Variants in SIGLEC12 observed in about 807,000 individuals in gnomAD.
SIGLEC12 encodes sialic acid-binding Ig-like lectin 12.
A neutral mutation model predicts 54.1 loss-of-function variants in SIGLEC12; 43 were observed. The observed-to-expected ratio is 0.80, with a 90% CI of 0.62 to 1.03. The LOEUF is 1.03. SIGLEC12 is among the 50% of genes least tolerant of loss of function. The pLI, the probability that SIGLEC12 is intolerant of heterozygous loss-of-function variation, is 0.00. For synonymous variants in SIGLEC12, 357 were observed against 307.6 expected (o/e 1.16, Z -1.68); for missense variants, 802 against 735.2 (o/e 1.09, Z -1.05).
intron 1 of SIGLEC12, 192 bp from the exon 2 acceptor site, chr19:51,500,492 G>T: frequency 1.1e-6 from 1 of 950,818 alleles, no homozygotes; most frequent in Non-Finnish European, 1.6e-6. Flanking sequence ...AGCCCTGCAT[G>T]GAAGAGAAAC....
intron 4 of SIGLEC12, 28 bp from the exon 5 acceptor site, chr19:51,498,315 G>A: frequency 4.5e-6 from 7 of 1,565,602 alleles, no homozygotes; most frequent in Non-Finnish European, 6.1e-6. Flanking sequence ...GAAGGGCAGA[G>A]AGAGACAAAG....
In SIGLEC12 at chr19:51,491,604, C is replaced by G. The variant is rs768922483; in HGVS notation, c.*37G>C. 6.2e-7 allele frequency: 1 copy of G among 1,602,570 alleles called. No homozygotes were observed. Among genetic ancestry groups the G allele is most frequent in the Non-Finnish European group, 8.5e-7 (1 of 1,170,504 alleles). On this transcript the variant is annotated 3_prime_UTR_variant, in exon 8 of 8. Coordinates refer to ENST00000291707, the MANE Select transcript of SIGLEC12 (RefSeq NM_053003.4). ...TCTCGGGCTTCTTTGCTGCAGGGGT[C>G]GTGAGCCCTCAAACAGGCCTGAGTC...
At position 51,500,109 on chromosome 19, in the gene SIGLEC12, T is replaced by C. The variant is rs749200849; in HGVS notation, c.619A>G (p.Thr207Ala). ...IPWDIPVATN[T>A]PSGKVQEDTH... is the part of the protein sequence containing the mutation. ...TCCTCTTGCACTTTTCCACTTGGGGTGTTTGTGGCCACTGGAATATCCCAT... is the reference window on the plus strand; with the variant it reads ...TCCTCTTGCACTTTTCCACTTGGGGCGTTTGTGGCCACTGGAATATCCCAT... Residue 207 changes from threonine to alanine, a missense_variant, in exon 2 of 8, where the codon ACC becomes GCC. Coordinates refer to ENST00000291707, the MANE Select transcript of SIGLEC12 (RefSeq NM_053003.4). 8.1e-6 allele frequency: 13 copies of C among 1,613,842 alleles called. No homozygotes were observed. Among genetic ancestry groups the C allele is most frequent in the Non-Finnish European group, 1.0e-5 (12 of 1,179,982 alleles).
rs371579975 is a variant in SIGLEC12 at position 51,498,084 on chromosome 19, G to C, written c.1339C>G (p.Arg447Gly). Residue 447 changes from arginine (R) to glycine (G), a missense_variant, in exon 5 of 8, where the codon CGA (arginine) becomes GGA (glycine). Coordinates refer to ENST00000291707, the MANE Select transcript of SIGLEC12 (RefSeq NM_053003.4). The stretch of plus-strand genomic sequence containing the variant: ...TGGGAGCCTAGAGGGTTCTGAGCTC[G>C]GCAGGTGAATTCCCCTTCATCCTTC... Reference protein sequence around the residue: ...HVKDEGEFTCRAQNPLGSQHI... With the variant: ...HVKDEGEFTCGAQNPLGSQHI... 10 of 1,614,080 alleles carry C rather than the reference G, an allele frequency of 6.2e-6. No individual in the cohort carries two copies. In the African/African-American group the frequency reaches 1.1e-4, roughly 17 times the overall value.
chr19:51,498,179 C>G lies in SIGLEC12; in HGVS notation c.1244G>C (p.Trp415Ser). Residue 415 changes from tryptophan (W) to serine (S), a missense_variant, in exon 5 of 8, where the codon TGG (tryptophan) becomes TCG (serine). Transcript: ENST00000291707. ...TGAGGGGCTCAGGGTCAGGCTCCCC[C>G]AGGTCCAGCTCAGCCTGGCAGGGGG... is the stretch of plus-strand genomic sequence containing the variant. ...SNPPARLSWT[W>S]GSLTLSPSQS... 1 of 1,614,246 alleles carries G rather than the reference C, an allele frequency of 6.2e-7. No homozygotes were observed. The highest frequency in any genetic ancestry group is 8.5e-7 in the Non-Finnish European group (1 of 1,180,042).
At chr19:51,492,424 G>C (rs1990130560) in intron 7 of SIGLEC12, among the ~76,000 whole-genome samples, 1 of 152,202 alleles carries the variant, frequency 6.6e-6, no homozygotes, top group African/African-American at 2.4e-5. Flanking sequence ...CAGTTTGGTG[G>C]TGTGGGGAAG....
Position 51,501,627 on chromosome 19 carries a change from T to A in SIGLEC12, c.107A>T (p.Glu36Val). The A allele has an allele frequency of 6.2e-7, 1 of 1,614,170 alleles. No homozygotes were observed. The highest frequency in any genetic ancestry group is 8.5e-7 in the Non-Finnish European group (1 of 1,180,020). Residue 36 changes from glutamate to valine, a missense_variant, in exon 1 of 8, where the codon GAG becomes GTG. Coordinates refer to ENST00000291707, the MANE Select transcript of SIGLEC12 (RefSeq NM_053003.4). Reference protein sequence around the residue: ...LTMQKSVTVQEGLCVSVLCSF... With the variant: ...LTMQKSVTVQVGLCVSVLCSF... ...GCAAAGCACAGAGACACACAGGCCC[T>A]CCTGCACCGTCACGGACTTCTGCAT...
intron 7 of SIGLEC12, among the ~76,000 whole-genome samples, chr19:51,494,909 A>G (rs1990183909): frequency 6.6e-6 from 1 of 152,200 alleles, no homozygotes; most frequent in Admixed American, 6.5e-5. Context: ...GGTATCTAGA[A>G]TAGTCAAATT....
Position 51,491,463 on chromosome 19 carries a change from T to C in SIGLEC12, c.*178A>G, listed in dbSNP as rs1990097301. The C allele has an allele frequency of 1.7e-6, 1 of 601,492 alleles. No homozygotes were observed. The highest frequency in any genetic ancestry group is 1.9e-5 in the African/African-American group (1 of 52,500). The allele number at this position is 601,492 out of a possible 1,614,324, so 37.3% of individuals were successfully genotyped here. ...GCCGGGGGCGGGGAGTGTGGACCGA[T>C]TGGATGGAGAAAGGGAGAGTTTGGT... On this transcript the variant is annotated 3_prime_UTR_variant, in exon 8 of 8. Coordinates refer to ENST00000291707, the MANE Select transcript of SIGLEC12 (RefSeq NM_053003.4).
At position 51,491,634 on chromosome 19, in the gene SIGLEC12, C is replaced by CCA. The variant is rs1383627843; in HGVS notation, c.*6_*7insTG. ...GCCCTCAAACAGGCCTGAGTCTCTG[C>CCA]AGTTTCTCACTTGGGGATGTTGATC... On this transcript the variant is annotated 3_prime_UTR_variant, in exon 8 of 8. Transcript: ENST00000291707. The CCA allele has an allele frequency of 1.9e-6, 3 of 1,613,976 alleles. No homozygotes were observed. Among genetic ancestry groups the CCA allele is most frequent in the Non-Finnish European group, 2.5e-6 (3 of 1,179,962 alleles).
chr19:51,491,669 T>G lies in SIGLEC12; in HGVS notation c.1760A>C (p.Glu587Ala), dbSNP rs1329423836. The G allele has an allele frequency of 6.2e-7, 1 of 1,613,810 alleles. No homozygotes were observed. Among genetic ancestry groups the G allele is most frequent in the African/African-American group, 1.3e-5 (1 of 74,910 alleles). The change falls in exon 8 of 8, where the codon GAG becomes GCG. Residue 587 changes from glutamate (E) to alanine (A), a missense_variant. Coordinates refer to ENST00000291707, the MANE Select transcript of SIGLEC12 (RefSeq NM_053003.4). ...CTTGGGGATGTTGATCTCGGAGTAC[T>G]CATAGCCGATGGCCTCCTGTTCCTG... is the stretch of plus-strand genomic sequence containing the variant. ...YPQEQEAIGY[E>A]YSEINIPK
rs1990328435 is a variant in SIGLEC12 at position 51,499,428 on chromosome 19, C to T, written c.1087+10G>A. On this transcript the variant is annotated intron_variant, in intron 3 of 7. Transcript: ENST00000291707. ...GATCAAAGACCCAGACGTCCTGGCC[C>T]AGAACTCACAGGATATGTTGAGTCG... 1 of 1,561,556 alleles carries T rather than the reference C, an allele frequency of 6.4e-7. No homozygotes were observed. The highest frequency in any genetic ancestry group is 8.6e-7 in the Non-Finnish European group (1 of 1,157,666).
At chr19:51,500,490 A>G (rs1990367435) in intron 1 of SIGLEC12, 190 bp from the exon 2 acceptor site, 1 of 952,534 alleles carries the variant, frequency 1.0e-6, no homozygotes. Context: ...TCAGCCCTGC[A>G]TGGAAGAGAA....
chr19:51,496,258 T>C (rs1249544674), intron 7 of SIGLEC12, among the ~76,000 whole-genome samples: 1 of 152,144 alleles, frequency 6.6e-6, no homozygotes, highest in Non-Finnish European at 1.5e-5. Flanking sequence ...CACCTGAGGT[T>C]GGGAGTTTGA....
rs1253344140 is a variant in SIGLEC12 at position 51,495,440 on chromosome 19, G to GATGGATGGATGT, written c.1599+1439_1599+1440insACATCCATCCAT. On this transcript the variant is annotated intron_variant, in intron 7 of 7. Coordinates refer to ENST00000291707, the MANE Select transcript of SIGLEC12 (RefSeq NM_053003.4). ...GGATGGATGGATGGATGGATGGATG[G>GATGGATGGATGT]ATGGACTGACGGGTGGGTGGGTGGT... Among the ~76,000 whole-genome samples the GATGGATGGATGT allele has an allele frequency of 5.4e-5, 8 of 149,420 alleles. No homozygotes were observed. The East Asian group carries it at 8.4e-4, about 16-fold the overall frequency.
chr19:51,496,687 G>A (rs1358871556), intron 7 of SIGLEC12, among the ~76,000 whole-genome samples, 193 bp downstream of exon 7: 1 of 152,130 alleles, frequency 6.6e-6, no homozygotes, highest in Non-Finnish European at 1.5e-5. Flanking sequence ...CAGAGATCCA[G>A]AGGCTTCAGC....
At position 51,501,545 on chromosome 19, in the gene SIGLEC12, C is replaced by A. The variant is rs1990398085; in HGVS notation, c.189G>T (p.Trp63Cys). The A allele has an allele frequency of 6.5e-7, 1 of 1,529,338 alleles. No individual in the cohort carries two copies. The allele number at this position is 1,529,338 out of a possible 1,614,324, so 94.7% of individuals were successfully genotyped here. A position where few individuals can be genotyped will look rare whatever the true frequency, so the allele number is the denominator to read the frequency against. ...GGCTTACATGGTCCCCTGCCCGGAACCAGTAGCCATGAACTGGATCGGAGG... is the reference window on the plus strand; with the variant it reads ...GGCTTACATGGTCCCCTGCCCGGAAACAGTAGCCATGAACTGGATCGGAGG... ...WTASDPVHGY[W>C]FRAGDHVSRN... is the part of the protein sequence containing the mutation. The change falls in exon 1 of 8, where the codon TGG (tryptophan) becomes TGT (cysteine). Residue 63 changes from tryptophan (W) to cysteine (C), a missense_variant. Transcript: ENST00000291707.
rs564977001 is a variant in SIGLEC12, at chr19:51,500,702, C to T, written c.428-402G>A. On this transcript the variant is annotated intron_variant, in intron 1 of 7. Transcript: ENST00000291707. ...GGCCTCTGGACCATCGTGGAGGTCC[C>T]TCCTGTCTTTTGAGCATCTAAATGT... Among the ~76,000 whole-genome samples, 4 of 152,024 alleles carry T rather than the reference C, an allele frequency of 2.6e-5. No individual in the cohort carries two copies. In the South Asian group the frequency reaches 6.2e-4, roughly 24 times the overall value.
rs1302740179 is a variant in SIGLEC12, at chr19:51,500,193, T to A, written c.535A>T (p.Asn179Tyr). 2 of 1,613,988 alleles carry A rather than the reference T, an allele frequency of 1.2e-6. No individual in the cohort carries two copies. The highest frequency in any genetic ancestry group is 4.5e-5 in the East Asian group (2 of 44,864). Residue 179 changes from asparagine (N) to tyrosine (Y), a missense_variant, in exon 2 of 8, where the codon AAC becomes TAC. Coordinates refer to ENST00000291707, the MANE Select transcript of SIGLEC12 (RefSeq NM_053003.4). The stretch of plus-strand genomic sequence containing the variant: ...TAAACAGGGCTAGAGGCAGTCCAGT[T>A]GTAATGGGGGTAAAGGACACTGCAG... ...VPCSVLYPHY[N>Y]WTASSPVYGS...
Sources: allele counts gnomAD v4.1 joint callset (sites outside exome capture counted in the v4.1 genomes callset), GRCh38; gene constraint gnomAD v4.1.1; transcripts MANE v1.5; gene names NCBI Gene and HGNC (gene_info 2026-07-23, HGNC 2026-07-21).